ARHGAP44: variants seen among roughly 807,000 people sequenced by gnomAD.
ARHGAP44 encodes Rho GTPase activating protein 44.
In ARHGAP44, 43 loss-of-function variants were observed where a neutral mutation model predicts 106.8. That is an observed-to-expected ratio of 0.40 (90% CI 0.32 to 0.52). The LOEUF is 0.52. Among genes scored for constraint, ARHGAP44 ranks in the 20% least tolerant of loss-of-function variants. The probability of loss-of-function intolerance (pLI) is 0.48; values close to 1 mark genes in which losing one functional copy is unlikely to be tolerated. For synonymous variants in ARHGAP44, 439 were observed against 410.3 expected (o/e 1.07, Z -0.85); for missense variants, 866 against 1,050.5 (o/e 0.82, Z 2.43).
intron 13 of ARHGAP44, among the ~76,000 whole-genome samples, chr17:12,953,013 T>G (rs1244553810): frequency 6.6e-6 from 1 of 152,062 alleles, no homozygotes; most frequent in Admixed American, 6.6e-5. Flanking sequence ...GCTAATTCAG[T>G]TAAAGGAGCA....
intron 1 of ARHGAP44, among the ~76,000 whole-genome samples, chr17:12,814,268 T>C (rs1251847370): frequency 1.6e-5 from 2 of 126,130 alleles, no homozygotes; most frequent in African/African-American, 6.4e-5. Context: ...TGAGATGGAG[T>C]CTTGCACTTT....
intron 19 of ARHGAP44, 54 bp from the exon 20 acceptor site, chr17:12,984,477 T>G: frequency 6.7e-7 from 1 of 1,497,774 alleles, no homozygotes; most frequent in Non-Finnish European, 8.8e-7. Flanking sequence ...GCCCCACAAG[T>G]GGCTTCATTC....
Position 12,949,028 on chromosome 17 carries a change from G to C in ARHGAP44, c.862-112G>C. On this transcript the variant is annotated intron_variant, in intron 10 of 20. Coordinates refer to ENST00000379672, the MANE Select transcript of ARHGAP44 (RefSeq NM_014859.6). This position sits in a 1 kb window ranked among gnomAD's most constrained non-coding sequence, Gnocchi z 4.1. ...ACTGGGGGATTGGGAGATGGTGTTG[G>C]GCAAATGCATGTAAGAGGTTTTGGA... The C allele has an allele frequency of 9.4e-7, 1 of 1,058,722 alleles. No individual in the cohort carries two copies. The highest frequency in any genetic ancestry group is 1.4e-6 in the Non-Finnish European group (1 of 715,476). The allele number at this position is 1,058,722 out of a possible 1,614,324, so 65.6% of individuals were successfully genotyped here.
intron 1 of ARHGAP44, among the ~76,000 whole-genome samples, chr17:12,845,318 G>A (rs7220942): frequency 0.29 from 43,817 of 151,714 alleles, 9,242 homozygotes; most frequent in African/African-American, 0.6. Flanking sequence ...GACCAGCCTG[G>A]CCAACATGGT....
At chr17:12,885,640 G>T (rs1330882238) in intron 1 of ARHGAP44, among the ~76,000 whole-genome samples, 1 of 151,930 alleles carries the variant, frequency 6.6e-6, no homozygotes, top group Non-Finnish European at 1.5e-5. Context: ...TCTTTTCTGT[G>T]CTTATTTTCT....
intron 16 of ARHGAP44, among the ~76,000 whole-genome samples, chr17:12,971,918 A>G (rs993675352): frequency 2.0e-5 from 3 of 152,150 alleles, no homozygotes; most frequent in African/African-American, 7.2e-5. Flanking sequence ...ATCACTCCCC[A>G]TATTTCCTTA....
At chr17:12,974,694 G>GC (rs1211177343) in intron 18 of ARHGAP44, among the ~76,000 whole-genome samples, 1 of 152,030 alleles carries the variant, frequency 6.6e-6, no homozygotes, top group Non-Finnish European at 1.5e-5. Context: ...ATAGTCCCAA[G>GC]CCCTATATAT....
At chr17:12,951,438 G>A (rs12449811) in intron 12 of ARHGAP44, among the ~76,000 whole-genome samples, 2 of 152,070 alleles carry the variant, frequency 1.3e-5, no homozygotes, top group Admixed American at 1.3e-4. Context: ...CAAGAATGTG[G>A]TCCTAGGGAT....
intron 1 of ARHGAP44, among the ~76,000 whole-genome samples, chr17:12,853,805 T>A (rs1376308693): frequency 6.6e-6 from 1 of 152,214 alleles, no homozygotes; most frequent in East Asian, 1.9e-4. Context: ...TGACAATTTC[T>A]GATTTCCACT....
chr17:12,897,279 A>C (rs140585848), intron 3 of ARHGAP44, among the ~76,000 whole-genome samples: 51 of 150,242 alleles, frequency 3.4e-4, no homozygotes, highest in African/African-American at 1.2e-3. Flanking sequence ...TTTGACTTGC[A>C]GTTATTGCTG....
intron 9 of ARHGAP44, 71 bp downstream of exon 9, chr17:12,943,740 C>G (rs2038767091): frequency 2.0e-6 from 3 of 1,473,754 alleles, no homozygotes; most frequent in Non-Finnish European, 1.9e-6. Context: ...AGATGAATTC[C>G]TTGTATGTCG....
intron 1 of ARHGAP44, among the ~76,000 whole-genome samples, chr17:12,865,532 G>C (rs1235649491): frequency 6.6e-6 from 1 of 152,178 alleles, no homozygotes. Context: ...GCTCACGCCT[G>C]TAATCCCAGC....
chr17:12,902,372 G>T (rs1241616053), intron 3 of ARHGAP44, among the ~76,000 whole-genome samples: 1 of 152,184 alleles, frequency 6.6e-6, no homozygotes, highest in Non-Finnish European at 1.5e-5. Flanking sequence ...CTTTTCAGGA[G>T]GCTTTCTTGA....
chr17:12,811,879 G>A (rs1029850250), intron 1 of ARHGAP44, among the ~76,000 whole-genome samples: 1 of 152,050 alleles, frequency 6.6e-6, no homozygotes, highest in African/African-American at 2.4e-5. Flanking sequence ...TCTTAAAAGG[G>A]CATATATTGG....
intron 1 of ARHGAP44, among the ~76,000 whole-genome samples, chr17:12,893,992 G>A (rs1445205074): frequency 2.0e-5 from 3 of 152,152 alleles, no homozygotes; most frequent in Non-Finnish European, 2.9e-5. Context: ...TTAGTTGTGT[G>A]AGTGAGGAGA....
intron 13 of ARHGAP44, among the ~76,000 whole-genome samples, chr17:12,954,491 G>A (rs1214425071): frequency 6.6e-6 from 1 of 152,226 alleles, no homozygotes; most frequent in African/African-American, 2.4e-5. Context: ...GACCTGTGTG[G>A]CCTCTTGGAG....
chr17:12,862,771 G>A (rs1175718009), intron 1 of ARHGAP44, among the ~76,000 whole-genome samples: 2 of 152,142 alleles, frequency 1.3e-5, no homozygotes, highest in Admixed American at 6.5e-5. Context: ...GAGGTGGCAG[G>A]ATCACTTGAA....
intron 9 of ARHGAP44, 79 bp from the exon 10 acceptor site, chr17:12,943,990 G>T: frequency 6.8e-7 from 1 of 1,467,074 alleles, no homozygotes; most frequent in Non-Finnish European, 9.1e-7. Flanking sequence ...GGAGAATCTG[G>T]ACAACAAAGG....
At position 12,960,704 on chromosome 17, in the gene ARHGAP44, C is replaced by T. The variant is rs1027571962; in HGVS notation, c.1523+1807C>T. ...TCAGCCTCCCGAGTAGCTGGGATTA[C>T]AGGCAGGAGCCACCATGCCTGGCTA... is the stretch of plus-strand genomic sequence containing the variant. On this transcript the variant is annotated intron_variant, in intron 16 of 20. Coordinates refer to ENST00000379672, the MANE Select transcript of ARHGAP44 (RefSeq NM_014859.6). Among the ~76,000 whole-genome samples, 7 of 152,196 alleles carry T rather than the reference C, an allele frequency of 4.6e-5. No individual in the cohort carries two copies. The East Asian group carries it at 9.8e-4, about 21-fold the overall frequency.
Sources: allele counts gnomAD v4.1 joint callset (sites outside exome capture counted in the v4.1 genomes callset), GRCh38; gene constraint gnomAD v4.1.1; non-coding constraint Gnocchi (gnomAD v3.1); transcripts MANE v1.5; gene names NCBI Gene and HGNC (gene_info 2026-07-23, HGNC 2026-07-21).